FRMD8: variants seen among roughly 807,000 people sequenced by gnomAD.
The protein encoded by FRMD8 is FERM domain containing 8.
Under a neutral mutation model 54.2 loss-of-function variants are expected in FRMD8, and 37 were observed. That is an observed-to-expected ratio of 0.68 (90% CI 0.53 to 0.90). The LOEUF (loss-of-function observed/expected upper bound fraction) is 0.90, where lower values mean the gene tolerates loss of function less well. Among genes scored for constraint, FRMD8 ranks in the 40% least tolerant of loss-of-function variants. The pLI, the probability that FRMD8 is intolerant of heterozygous loss-of-function variation, is 0.00. For synonymous variants in FRMD8, 246 were observed against 286.9 expected, an observed-to-expected ratio of 0.86 and a Z score of 1.44; for missense variants, 585 against 653.7, an observed-to-expected ratio of 0.89 and a Z score of 1.15.
At chr11:65,407,883 C>CAAA (rs541022646) in intron 10 of FRMD8, among the ~76,000 whole-genome samples, 3 of 124,620 alleles carry the variant, frequency 2.4e-5, no homozygotes, top group Non-Finnish European at 3.3e-5. Flanking sequence ...GACTCTGTCT[C>CAAA]AAAAAAAAAA....
chr11:65,383,783 A>AAAAAC (rs1855682719), upstream of FRMD8: 1 of 112,660 alleles, frequency 8.9e-6, no homozygotes, highest in Non-Finnish European at 1.8e-5. Flanking sequence ...ACAAACAAAC[A>AAAAAC]AAAAAAAAAC....
chr11:65,387,770 C>A (rs1855763055), intron 2 of FRMD8, among the ~76,000 whole-genome samples: 1 of 152,070 alleles, frequency 6.6e-6, no homozygotes, highest in Admixed American at 6.5e-5. Flanking sequence ...GATCTCCTGA[C>A]CTCGTGATCT....
chr11:65,374,423 G>A, the FRMD8 span, among the ~76,000 whole-genome samples: 2,840 of 142,000 alleles, frequency 0.02, 32 homozygotes, highest in Non-Finnish European at 0.03. Flanking sequence ...ATTTACCCGC[G>A]GTGTGACCTA....
At chr11:65,383,774 C>CA (rs60756847), upstream of FRMD8, 3,799 of 111,214 alleles carry the variant, frequency 0.034, 229 homozygotes, top group Middle Eastern at 0.073. Flanking sequence ...AAAAAACAAA[C>CA]AAACAAACAA....
Position 65,406,019 on chromosome 11 carries a change from T to A in FRMD8, c.1276+951T>A, listed in dbSNP as rs551964168. ...AGACCCTATATATATATATTTTTTT[T>A]AATTAATTAATTAGTTAACTATTTT... is the stretch of plus-strand genomic sequence containing the variant. On this transcript the variant is annotated intron_variant, in intron 10 of 10. Transcript: ENST00000317568. Among the ~76,000 whole-genome samples the A allele has an allele frequency of 8.8e-4, 134 of 151,692 alleles. 1 individual carries two copies. Among genetic ancestry groups the A allele is most frequent in the Admixed American group, 2.2e-3 (33 of 15,206 alleles).
chr11:65,381,964 C>T (rs116374093), upstream of FRMD8: 914 of 1,613,596 alleles, frequency 5.7e-4, 4 homozygotes, highest in African/African-American at 0.011. Context: ...TCTGGGCTTG[C>T]GGGAACTGGT....
the FRMD8 span, among the ~76,000 whole-genome samples, chr11:65,371,568 A>G: frequency 6.6e-6 from 1 of 152,244 alleles, no homozygotes; most frequent in Non-Finnish European, 1.5e-5. Flanking sequence ...TAAATCCTTA[A>G]GCAATTTCGC....
rs1247333829 is a variant in FRMD8, at chr11:65,412,155, C to T, written c.*795C>T. ...GTGGCTATCCTGTGGACCACCTGGC[C>T]TCCAGACCCACACTCACAGTCTGTG... On this transcript the variant is annotated 3_prime_UTR_variant, in exon 11 of 11. Transcript: ENST00000317568. 2.0e-5 allele frequency: 3 copies of T among 152,278 alleles called. No homozygotes were observed. The highest frequency in any genetic ancestry group is 4.4e-5 in the Non-Finnish European group (3 of 68,082). 9.4% of individuals were successfully genotyped at this position (152,278 alleles called of 1,614,324 possible).
At chr11:65,386,917 C>T (rs564327841) in intron 1 of FRMD8, 120 bp from the exon 2 acceptor site, 72 of 858,902 alleles carry the variant, frequency 8.4e-5, no homozygotes, top group Admixed American at 3.1e-4. Context: ...CTCCAGGCAG[C>T]GCCGCTCAAC....
At chr11:65,396,410 T>C (rs964345209) in intron 6 of FRMD8, among the ~76,000 whole-genome samples, 9 of 152,116 alleles carry the variant, frequency 5.9e-5, no homozygotes, top group Non-Finnish European at 1.3e-4. Flanking sequence ...GTGGGCCTCA[T>C]AGGGAGCCCC....
chr11:65,399,937 T>G, intron 8 of FRMD8, 78 bp downstream of exon 8: 2 of 1,520,492 alleles, frequency 1.3e-6, no homozygotes, highest in Non-Finnish European at 8.9e-7. Context: ...CCTCTGGGCC[T>G]GTGGGGGCCT....
the FRMD8 span, among the ~76,000 whole-genome samples, chr11:65,371,266 T>A: frequency 1.3e-5 from 2 of 152,132 alleles, no homozygotes; most frequent in Non-Finnish European, 2.9e-5. Context: ...TTCCCCAGGC[T>A]GGAGTGTGGT....
At chr11:65,395,313 C>T (rs1261192334) in intron 6 of FRMD8, among the ~76,000 whole-genome samples, 1 of 152,036 alleles carries the variant, frequency 6.6e-6, no homozygotes, top group African/African-American at 2.4e-5. Context: ...GAGGCCGAGG[C>T]GGGCAGATCA....
the FRMD8 span, chr11:65,377,272 C>T: frequency 7.1e-7 from 1 of 1,416,192 alleles, no homozygotes; most frequent in East Asian, 2.6e-5. Flanking sequence ...CAGGCCACCT[C>T]CCTTGGCATC....
upstream of FRMD8, among the ~76,000 whole-genome samples, chr11:65,384,911 A>G (rs1378860524): frequency 6.6e-6 from 1 of 151,954 alleles, no homozygotes; most frequent in East Asian, 1.9e-4. Context: ...GCGTCTCACT[A>G]TGTTCCCCAG....
the FRMD8 span, chr11:65,377,126 C>T: frequency 6.3e-7 from 1 of 1,576,776 alleles, no homozygotes; most frequent in Non-Finnish European, 8.6e-7. Flanking sequence ...GGGCTGGGAA[C>T]TGGCCCCTTA....
At chr11:65,379,928 T>C in the FRMD8 span, 1 of 1,614,184 alleles carries the variant, frequency 6.2e-7, no homozygotes, top group Non-Finnish European at 8.5e-7. Flanking sequence ...GGTCTGGGTC[T>C]GCAGCCTCAC....
chr11:65,398,109 C>G (rs1855996108), intron 7 of FRMD8, among the ~76,000 whole-genome samples: 1 of 152,144 alleles, frequency 6.6e-6, no homozygotes, highest in Non-Finnish European at 1.5e-5. Flanking sequence ...CTCCTCACCT[C>G]AGGTGATCCG....
At chr11:65,379,050 C>G in the FRMD8 span, 1 of 348,672 alleles carries the variant, frequency 2.9e-6, no homozygotes, top group African/African-American at 2.2e-5. Context: ...CAAAGGTCTC[C>G]TTGGGGAGTG....
Sources: gnomAD v4.1 joint callset for allele counts (sites outside exome capture counted in the v4.1 genomes callset) on GRCh38, gnomAD v4.1.1 for gene constraint, MANE v1.5 for transcripts, NCBI Gene and HGNC (gene_info 2026-07-23, HGNC 2026-07-21) for gene names.